EFNA5: variants seen among roughly 807,000 people sequenced by gnomAD.
The protein encoded by EFNA5 is ephrin-A5.
A neutral mutation model predicts 22.9 loss-of-function variants in EFNA5; 5 were observed. The ratio of observed to expected loss-of-function variants is 0.22; its 90% confidence interval spans 0.11 to 0.46. The LOEUF (loss-of-function observed/expected upper bound fraction) is 0.46. Ranked by LOEUF, EFNA5 falls within the 20% of genes least tolerant of loss-of-function variation. The probability of loss-of-function intolerance (pLI) is 0.99; values close to 1 mark genes in which losing one functional copy is unlikely to be tolerated. For synonymous variants in EFNA5, 113 were observed against 112.2 expected, an observed-to-expected ratio of 1.01 and a Z score of -0.04; for missense variants, 237 against 293.3, an observed-to-expected ratio of 0.81 and a Z score of 1.40.
chr5:107,482,870 C>CTCTA (rs1328872977), intron 1 of EFNA5, among the ~76,000 whole-genome samples: 8 of 59,110 alleles, frequency 1.4e-4, no homozygotes, highest in African/African-American at 3.1e-4. Flanking sequence ...CTCTCTCTCT[C>CTCTA]TATATATATA....
chr5:107,401,686 C>T (rs1019696914), intron 2 of EFNA5, among the ~76,000 whole-genome samples: 2 of 152,056 alleles, frequency 1.3e-5, no homozygotes, highest in African/African-American at 4.8e-5. Flanking sequence ...AAATTCTTTT[C>T]ACTCTATATA....
chr5:107,458,863 TTA>T (rs1749763340), intron 1 of EFNA5, among the ~76,000 whole-genome samples: 1 of 152,162 alleles, frequency 6.6e-6, no homozygotes, highest in Admixed American at 6.5e-5. Context: ...CAGAATAATT[TTA>T]GTCTTTTTTT....
intron 2 of EFNA5, among the ~76,000 whole-genome samples, chr5:107,393,175 T>C (rs1260941465): frequency 6.6e-6 from 1 of 152,210 alleles, no homozygotes; most frequent in Non-Finnish European, 1.5e-5. Flanking sequence ...AGGTGGTCTT[T>C]AAAAATACCT....
chr5:107,524,477 T>C (rs960988585), intron 1 of EFNA5, among the ~76,000 whole-genome samples: 1 of 152,160 alleles, frequency 6.6e-6, no homozygotes, highest in Non-Finnish European at 1.5e-5. Flanking sequence ...TGAAAAACAA[T>C]AGGCAAGCTA....
At chr5:107,530,377 C>T (rs1747783853) in intron 1 of EFNA5, among the ~76,000 whole-genome samples, 1 of 152,168 alleles carries the variant, frequency 6.6e-6, no homozygotes, top group Non-Finnish European at 1.5e-5. Flanking sequence ...AATCACATAG[C>T]CACGCCAAAT....
intron 1 of EFNA5, among the ~76,000 whole-genome samples, chr5:107,453,814 T>C (rs1749621613): frequency 6.6e-6 from 1 of 152,180 alleles, no homozygotes; most frequent in Non-Finnish European, 1.5e-5. Context: ...GGCCATCTGA[T>C]GCTAAGGGCC....
At chr5:107,530,807 A>C (rs1747794600) in intron 1 of EFNA5, among the ~76,000 whole-genome samples, 1 of 152,174 alleles carries the variant, frequency 6.6e-6, no homozygotes, top group Non-Finnish European at 1.5e-5. Flanking sequence ...AAGGATGAGA[A>C]ATAATGGGTG....
intron 1 of EFNA5, among the ~76,000 whole-genome samples, chr5:107,590,387 T>C (rs142348544): frequency 6.6e-6 from 1 of 150,436 alleles, no homozygotes; most frequent in Non-Finnish European, 1.5e-5. Context: ...ACTCTAGATA[T>C]AGACATAATT....
intron 1 of EFNA5, among the ~76,000 whole-genome samples, chr5:107,489,831 GTAGCTCTCAAGA>G (rs1746752971): frequency 6.6e-6 from 1 of 152,200 alleles, no homozygotes; most frequent in Admixed American, 6.5e-5. Flanking sequence ...TTTCTTGCTT[GTAGCTCTCAAGA>G]ATAACTGTAC....
Position 107,406,670 on chromosome 5 carries a change from C to T in EFNA5, c.419-18899G>A, listed in dbSNP as rs1237216091. Among the ~76,000 whole-genome samples the T allele has an allele frequency of 2.6e-5, 4 of 152,174 alleles. No individual in the cohort carries two copies. The East Asian group carries it at 7.7e-4, about 29-fold the overall frequency. On this transcript the variant is annotated intron_variant, in intron 2 of 4. Coordinates refer to ENST00000333274, the MANE Select transcript of EFNA5 (RefSeq NM_001962.3). The stretch of plus-strand genomic sequence containing the variant: ...TTTCCATCATAGTACTTACCACCTA[C>T]TTGACATATTTTATATTTATTTATT...
chr5:107,398,881 C>G (rs950609551), intron 2 of EFNA5, among the ~76,000 whole-genome samples: 2 of 147,502 alleles, frequency 1.4e-5, no homozygotes, highest in African/African-American at 5.0e-5. Context: ...AAAAAATCTT[C>G]TAGCTGCAAC....
At chr5:107,553,814 A>G (rs1748351805) in intron 1 of EFNA5, among the ~76,000 whole-genome samples, 1 of 152,128 alleles carries the variant, frequency 6.6e-6, no homozygotes, top group South Asian at 2.1e-4. Flanking sequence ...TCTAAATTAT[A>G]TACACATTAT....
intron 1 of EFNA5, among the ~76,000 whole-genome samples, chr5:107,658,593 T>C (rs1023662610): frequency 2.0e-5 from 3 of 152,198 alleles, no homozygotes; most frequent in African/African-American, 7.2e-5. Flanking sequence ...TTTTAGAAAC[T>C]GCAGAACTCT....
chr5:107,555,545 A>G (rs988317647), intron 1 of EFNA5, among the ~76,000 whole-genome samples: 1 of 152,236 alleles, frequency 6.6e-6, no homozygotes, highest in Non-Finnish European at 1.5e-5. Flanking sequence ...TCTGAAACTG[A>G]ATGTTAAACA....
At chr5:107,491,859 G>A (rs1463555860) in intron 1 of EFNA5, among the ~76,000 whole-genome samples, 1 of 152,084 alleles carries the variant, frequency 6.6e-6, no homozygotes, top group Non-Finnish European at 1.5e-5. Context: ...TTGAGACAGA[G>A]TCTCACCCTG....
At position 107,670,483 on chromosome 5, in the gene EFNA5, G is replaced by A. The variant is rs553936811; in HGVS notation, c.125+6C>T. On this transcript the variant is annotated splice_donor_region_variant and intron_variant, in intron 1 of 4. Transcript: ENST00000333274. ...AGCCCTGGCTCTCCGCCTGTTATCG[G>A]CTTACCTGGGGTTGCTGCTGTTCCA... 2.8e-5 allele frequency: 43 copies of A among 1,559,742 alleles called. No homozygotes were observed. The highest frequency in any genetic ancestry group is 3.7e-5 in the Non-Finnish European group (43 of 1,151,106).
At chr5:107,511,851 A>G (rs1747376624) in intron 1 of EFNA5, among the ~76,000 whole-genome samples, 1 of 152,332 alleles carries the variant, frequency 6.6e-6, no homozygotes, top group Admixed American at 6.5e-5. Context: ...TTATATGTAG[A>G]CATGGTTTGT....
intron 1 of EFNA5, among the ~76,000 whole-genome samples, chr5:107,660,716 T>A (rs963403563): frequency 3.3e-5 from 5 of 152,116 alleles, no homozygotes; most frequent in African/African-American, 1.2e-4. Flanking sequence ...AAATAAAGTA[T>A]CCCAAGTTGC....
chr5:107,548,259 A>G (rs1024767710), intron 1 of EFNA5, among the ~76,000 whole-genome samples: 1 of 152,168 alleles, frequency 6.6e-6, no homozygotes, highest in Non-Finnish European at 1.5e-5. Flanking sequence ...CTTTTTAAAA[A>G]TTTTTTTGAA....
Sources: gnomAD v4.1 joint callset for allele counts (sites outside exome capture counted in the v4.1 genomes callset) on GRCh38, gnomAD v4.1.1 for gene constraint, MANE v1.5 for transcripts, NCBI Gene and HGNC (gene_info 2026-07-23, HGNC 2026-07-21) for gene names.